XKR9: variants seen among roughly 807,000 people sequenced by gnomAD.
The protein encoded by XKR9 is XK related 9.
Under a neutral mutation model 32.0 loss-of-function variants are expected in XKR9, and 32 were observed. The observed-to-expected ratio is 1.00, with a 90% CI of 0.76 to 1.34. The LOEUF (loss-of-function observed/expected upper bound fraction) is 1.34. Ranked by LOEUF, XKR9 falls within the 40% of genes most tolerant of loss-of-function variation. XKR9 has a pLI of 0.00. For synonymous variants in XKR9, 168 were observed against 143.4 expected (o/e 1.17, Z -1.22); for missense variants, 546 against 429.7 (o/e 1.27, Z -2.39).
chr8:70,681,457 G>T (rs538227688), intron 3 of XKR9, 127 bp downstream of exon 3: 6 of 1,151,758 alleles, frequency 5.2e-6, no homozygotes, highest in African/African-American at 3.1e-5. Context: ...AAGGTTACTT[G>T]CTCCTCACTA....
chr8:70,796,409 T>G, the XKR9 span, among the ~76,000 whole-genome samples: 1 of 152,162 alleles, frequency 6.6e-6, no homozygotes, highest in African/African-American at 2.4e-5. Context: ...TATTTGTGTA[T>G]GTTCAGCAGT....
chr8:70,752,146 A>G (rs1010376836), intron 2 of XKR9, among the ~76,000 whole-genome samples: 1 of 152,202 alleles, frequency 6.6e-6, no homozygotes, highest in African/African-American at 2.4e-5. Context: ...AGCAACCACA[A>G]TCTGCCTTCT....
Position 70,759,655 on chromosome 8 carries a change from G to C in XKR9, n.353-29684G>C, listed in dbSNP as rs10090506. Among the ~76,000 whole-genome samples, 461 of 152,274 alleles carry C rather than the reference G, an allele frequency of 3.0e-3. 4 individuals carry two copies. The highest frequency in any genetic ancestry group is 0.011 in the African/African-American group (437 of 41,544). On this transcript the variant is annotated intron_variant and non_coding_transcript_variant, in intron 2 of 3. Transcript: ENST00000520273. ...TTTTGACTATTGTCATTGTGTAGGA[G>C]AGGGACTGCATTCCATGGACTTGTT...
chr8:70,990,440 A>G, the XKR9 span, among the ~76,000 whole-genome samples: 1 of 152,176 alleles, frequency 6.6e-6, no homozygotes. Flanking sequence ...TTTTAATACA[A>G]TCCTACAAAA....
the XKR9 span, among the ~76,000 whole-genome samples, chr8:70,905,678 C>A: frequency 6.6e-6 from 1 of 152,164 alleles, no homozygotes; most frequent in African/African-American, 2.4e-5. Flanking sequence ...CAAGGAGCTG[C>A]GTTCCTTTGG....
chr8:71,038,974 T>C, the XKR9 span, among the ~76,000 whole-genome samples: 1 of 151,950 alleles, frequency 6.6e-6, no homozygotes, highest in Middle Eastern at 3.4e-3. Context: ...CGGCTAATTT[T>C]TGTATTTTTA....
the XKR9 span, among the ~76,000 whole-genome samples, chr8:71,004,413 G>A: frequency 6.6e-6 from 1 of 152,200 alleles, no homozygotes; most frequent in African/African-American, 2.4e-5. Context: ...GTGAGGCAGG[G>A]TTGGCTTGGG....
At chr8:70,811,480 CA>C in the XKR9 span, among the ~76,000 whole-genome samples, 1 of 152,074 alleles carries the variant, frequency 6.6e-6, no homozygotes, top group Admixed American at 6.6e-5. Flanking sequence ...AAAAACCATT[CA>C]AAAAATTAAT....
the XKR9 span, among the ~76,000 whole-genome samples, chr8:70,925,248 A>G: frequency 6.6e-6 from 1 of 152,186 alleles, no homozygotes; most frequent in Non-Finnish European, 1.5e-5. Flanking sequence ...AATACACACT[A>G]TGACATGTTA....
At chr8:70,814,225 TA>T in the XKR9 span, among the ~76,000 whole-genome samples, 1 of 151,622 alleles carries the variant, frequency 6.6e-6, no homozygotes, top group African/African-American at 2.4e-5. Context: ...TTGTCACTCA[TA>T]GGTGGAATTG....
At chr8:70,725,850 G>C (rs1806449757) in intron 4 of XKR9, among the ~76,000 whole-genome samples, 1 of 152,118 alleles carries the variant, frequency 6.6e-6, no homozygotes. Context: ...AGGTTGTAGT[G>C]AGCCTAGATT....
At chr8:70,690,641 G>T (rs569795536) in intron 3 of XKR9, among the ~76,000 whole-genome samples, 18 of 151,910 alleles carry the variant, frequency 1.2e-4, no homozygotes, top group African/African-American at 4.3e-4. Flanking sequence ...GAGCCACCGT[G>T]CCTGGCCAGC....
chr8:71,056,902 C>T, the XKR9 span, among the ~76,000 whole-genome samples: 1 of 152,144 alleles, frequency 6.6e-6, no homozygotes, highest in Non-Finnish European at 1.5e-5. Flanking sequence ...ATGCATTTGA[C>T]TTTAATAAGT....
the XKR9 span, among the ~76,000 whole-genome samples, chr8:71,064,257 C>T: frequency 6.6e-6 from 1 of 152,114 alleles, no homozygotes; most frequent in Non-Finnish European, 1.5e-5. Flanking sequence ...TGAATATTAG[C>T]TTCCACATGC....
intron 4 of XKR9, among the ~76,000 whole-genome samples, chr8:70,722,521 G>C (rs1406368216): frequency 6.6e-6 from 1 of 152,152 alleles, no homozygotes; most frequent in Admixed American, 6.5e-5. Flanking sequence ...GCATTTGCTT[G>C]TCTGTAAAGA....
the XKR9 span, among the ~76,000 whole-genome samples, chr8:71,044,710 T>G: frequency 6.6e-6 from 1 of 152,220 alleles, no homozygotes; most frequent in African/African-American, 2.4e-5. Context: ...GCCTTGCCAA[T>G]AGCCTTCTGA....
chr8:70,738,946 G>A (rs1389266530), downstream of XKR9, among the ~76,000 whole-genome samples: 2 of 152,196 alleles, frequency 1.3e-5, no homozygotes, highest in Non-Finnish European at 2.9e-5. Context: ...TGTATATTCT[G>A]TTGATTTGGG....
the XKR9 span, among the ~76,000 whole-genome samples, chr8:71,021,001 T>G: frequency 6.6e-6 from 1 of 152,194 alleles, no homozygotes; most frequent in Non-Finnish European, 1.5e-5. Flanking sequence ...GGTGCTGGCA[T>G]CTGCTTGACT....
chr8:70,784,905 A>G (rs533020329), intron 2 of XKR9, among the ~76,000 whole-genome samples: 1 of 150,930 alleles, frequency 6.6e-6, no homozygotes, highest in Non-Finnish European at 1.5e-5. Flanking sequence ...TTTTTTTTTA[A>G]TCATGAAAGG....
Sources: allele counts gnomAD v4.1 joint callset (sites outside exome capture counted in the v4.1 genomes callset), GRCh38; gene constraint gnomAD v4.1.1; transcripts MANE v1.5; gene names NCBI Gene and HGNC (gene_info 2026-07-23, HGNC 2026-07-21).